ZC4H2: variants seen among roughly 807,000 people sequenced by gnomAD.
The protein encoded by ZC4H2 is zinc finger C4H2 domain-containing protein.
For synonymous variants in ZC4H2, 84 were observed against 66.3 expected, an observed-to-expected ratio of 1.27 and a Z score of -1.30; for missense variants, 137 against 173.9, an observed-to-expected ratio of 0.79 and a Z score of 1.19.
chrX:64,952,478 T>A (rs1448203912), intron 1 of ZC4H2, among the ~76,000 whole-genome samples: 1 of 110,506 alleles, frequency 9.0e-6, no homozygotes, highest in Non-Finnish European at 1.9e-5. Context: ...AGTCTTAGGA[T>A]ACAAAACCAA....
intron 1 of ZC4H2, among the ~76,000 whole-genome samples, chrX:64,928,588 T>A (rs770233670): frequency 4.5e-5 from 5 of 110,883 alleles, no homozygotes; most frequent in East Asian, 2.8e-4. Context: ...CATTTCTATA[T>A]CTTCTTTTGA....
chrX:64,926,214 T>C (rs1260455467), intron 1 of ZC4H2, among the ~76,000 whole-genome samples: 1 of 110,903 alleles, frequency 9.0e-6, no homozygotes, highest in Admixed American at 9.6e-5. Context: ...AATAAGGGGG[T>C]ATGCTGTGTG....
At chrX:64,999,068 T>TTTTTTTTTTTTC (rs1555948665) in intron 1 of ZC4H2, among the ~76,000 whole-genome samples, 4 of 75,761 alleles carry the variant, frequency 5.3e-5, no homozygotes, top group Admixed American at 1.6e-4. Flanking sequence ...TTTTTTTTTT[T>TTTTTTTTTTTTC]AATCTATTCT....
chrX:65,009,554 T>C (rs1490759125), intron 1 of ZC4H2, among the ~76,000 whole-genome samples: 1 of 112,055 alleles, frequency 8.9e-6, no homozygotes, highest in Non-Finnish European at 1.9e-5. Context: ...ACAGAGATAG[T>C]GTCTTCATTC....
intron 1 of ZC4H2, among the ~76,000 whole-genome samples, chrX:65,028,041 A>G (rs1050983586): frequency 1.8e-5 from 2 of 111,702 alleles, no homozygotes; most frequent in African/African-American, 6.5e-5. Context: ...TTTACTTTCA[A>G]TAGGAAGAAA....
intron 1 of ZC4H2, among the ~76,000 whole-genome samples, chrX:65,025,448 C>T (rs779332985): frequency 2.7e-5 from 3 of 111,060 alleles, no homozygotes; most frequent in Non-Finnish European, 5.7e-5. Flanking sequence ...TTTGAATTCT[C>T]CAGACTTTGG....
At position 64,919,028 on chromosome X, in the gene ZC4H2, C is replaced by T; in HGVS notation, c.561+14G>A. The T allele has an allele frequency of 8.7e-7, 1 of 1,150,796 alleles. No homozygotes were observed. The highest frequency in any genetic ancestry group is 1.2e-6 in the Non-Finnish European group (1 of 864,194). 94.8% of individuals were successfully genotyped at this position (1,150,796 alleles called of 1,213,427 possible). On this transcript the variant is annotated intron_variant, in intron 4 of 4. Transcript: ENST00000374839. ...TACTTTGCTTCCTCCACAACCATTA[C>T]CCAGCTCACTTACCTTCATAGGTGG...
intron 4 of ZC4H2, chrX:64,918,270 A>T (rs1037215748): frequency 1.6e-5 from 2 of 126,277 alleles, no homozygotes; most frequent in African/African-American, 6.4e-5. Context: ...GACTTTTTAC[A>T]TCATATAAAC....
chrX:65,002,549 C>G (rs1039566750), intron 1 of ZC4H2, among the ~76,000 whole-genome samples: 5 of 111,959 alleles, frequency 4.5e-5, no homozygotes, highest in African/African-American at 1.6e-4. Flanking sequence ...GCCACCCCGT[C>G]TGGGAGGTGT....
intron 1 of ZC4H2, among the ~76,000 whole-genome samples, chrX:64,989,465 T>C (rs1932266051): frequency 1.8e-5 from 2 of 111,989 alleles, no homozygotes; most frequent in African/African-American, 6.5e-5. Context: ...CTAGGTATTT[T>C]ATTCTCTTTG....
chrX:65,005,366 C>T (rs1932634354), intron 1 of ZC4H2, among the ~76,000 whole-genome samples: 1 of 111,581 alleles, frequency 9.0e-6, no homozygotes, highest in Admixed American at 9.5e-5. Flanking sequence ...CAGCATGATA[C>T]TGGTACCAAA....
intron 1 of ZC4H2, among the ~76,000 whole-genome samples, chrX:64,931,343 A>G (rs1021884612): frequency 4.5e-5 from 5 of 110,964 alleles, no homozygotes; most frequent in Non-Finnish European, 9.5e-5. Flanking sequence ...TGTTTGTTCC[A>G]GTTTCATTGA....
intron 1 of ZC4H2, among the ~76,000 whole-genome samples, chrX:65,010,769 T>C (rs966392372): frequency 3.6e-5 from 4 of 112,342 alleles, no homozygotes; most frequent in African/African-American, 1.3e-4. Context: ...TTTTAGAATA[T>C]GCATTTCTTT....
At chrX:64,952,218 T>C (rs1930881488) in intron 1 of ZC4H2, among the ~76,000 whole-genome samples, 1 of 110,458 alleles carries the variant, frequency 9.1e-6, no homozygotes, top group East Asian at 2.8e-4. Context: ...GAAGTATAGT[T>C]TGAAGTCAGG....
intron 1 of ZC4H2, among the ~76,000 whole-genome samples, chrX:64,962,975 T>C (rs1602423019): frequency 9.0e-6 from 1 of 111,179 alleles, no homozygotes; most frequent in Non-Finnish European, 1.9e-5. Context: ...ATGGCATTTT[T>C]TTTTACATTC....
intron 1 of ZC4H2, among the ~76,000 whole-genome samples, chrX:65,014,444 C>T (rs1338934480): frequency 8.9e-6 from 1 of 111,804 alleles, no homozygotes; most frequent in African/African-American, 3.3e-5. Flanking sequence ...TCAGCATAAC[C>T]TGGGCACTTT....
intron 1 of ZC4H2, among the ~76,000 whole-genome samples, chrX:64,988,562 G>A (rs748142071): frequency 1.3e-4 from 14 of 110,659 alleles, no homozygotes; most frequent in South Asian, 3.8e-4. Flanking sequence ...CATATCCTTC[G>A]CCCACTTTTT....
At chrX:64,994,437 A>C (rs930232907) in intron 1 of ZC4H2, among the ~76,000 whole-genome samples, 4 of 112,126 alleles carry the variant, frequency 3.6e-5, no homozygotes, top group African/African-American at 9.7e-5. Context: ...CAAGTCAAAT[A>C]AAAATTATAT....
At chrX:64,941,746 C>T (rs1930290692) in intron 1 of ZC4H2, among the ~76,000 whole-genome samples, 1 of 112,077 alleles carries the variant, frequency 8.9e-6, no homozygotes, top group African/African-American at 3.2e-5. Context: ...ATGAAACCAA[C>T]CTGATCATGG....
Sources: gnomAD v4.1 joint callset for allele counts (sites outside exome capture counted in the v4.1 genomes callset) on GRCh38, gnomAD v4.1.1 for gene constraint, MANE v1.5 for transcripts, NCBI Gene and HGNC (gene_info 2026-07-23, HGNC 2026-07-21) for gene names.